Variants in CD164 observed in about 807,000 individuals in gnomAD.
CD164 encodes CD164 molecule.
Under a neutral mutation model 24.6 loss-of-function variants are expected in CD164, and 11 were observed. The ratio of observed to expected loss-of-function variants is 0.45; its 90% CI spans 0.28 to 0.74. The LOEUF is 0.74. Among genes scored for constraint, CD164 ranks in the 30% least tolerant of loss-of-function variants. The pLI is 0.13. For synonymous variants in CD164, 126 were observed against 100.3 expected, an observed-to-expected ratio of 1.26 and a Z score of -1.53; for missense variants, 295 against 243.7, an observed-to-expected ratio of 1.21 and a Z score of -1.40.
rs1443598254 is a variant in CD164 at position 109,379,026 on chromosome 6, G to C, written c.259+553C>G. 2.0e-5 allele frequency among the ~76,000 whole-genome samples: 3 copies of C among 152,076 alleles called. No individual in the cohort carries two copies. In the East Asian group the frequency reaches 5.8e-4, roughly 29 times the overall value. On this transcript the variant is annotated intron_variant, in intron 2 of 5. Coordinates refer to ENST00000310786, the MANE Select transcript of CD164 (RefSeq NM_006016.6). The stretch of plus-strand genomic sequence containing the variant: ...TTGAATTTCAATGTACGTCCCTTTA[G>C]CGCTCTACCTCTTGTATTAACAAAA...
Position 109,379,675 on chromosome 6 carries a change from G to C in CD164, c.176-13C>G. The C allele has an allele frequency of 6.3e-7, 1 of 1,592,240 alleles. No homozygotes were observed. The highest frequency in any genetic ancestry group is 1.3e-5 in the African/African-American group (1 of 74,226). ...CCTTCACAGGTTTCTGGGGAGTTGG[G>C]GGGAGAGATGCATGAAATCAATGAT... On this transcript the variant is annotated splice_polypyrimidine_tract_variant and intron_variant, in intron 1 of 5. Coordinates refer to ENST00000310786, the MANE Select transcript of CD164 (RefSeq NM_006016.6).
intron 3 of CD164, among the ~76,000 whole-genome samples, chr6:109,376,916 G>A (rs1304794409): frequency 1.3e-5 from 2 of 152,188 alleles, no homozygotes; most frequent in African/African-American, 4.8e-5. Context: ...TGGGAAGACT[G>A]CTTAAGCCCA....
Position 109,368,871 on chromosome 6 carries a change from GTTC to G in CD164, c.571_573del (p.Glu191del), listed in dbSNP as rs1411756932. 7 of 1,612,698 alleles carry G rather than the reference GTTC, an allele frequency of 4.3e-6. No individual in the cohort carries two copies. The highest frequency in any genetic ancestry group is 1.1e-5 in the South Asian group (1 of 90,958). On this transcript the variant is annotated inframe_deletion, in exon 6 of 6. Transcript: ENST00000310786. ...TCTGTTTACAGAGTGTGGTAATTTC[GTTC>G]TTTAGATTTGCAGAATTTATAAAGA...
At chr6:109,381,713 C>CT (rs1771760105) in intron 1 of CD164, 3 of 611,996 alleles carry the variant, frequency 4.9e-6, no homozygotes, top group Non-Finnish European at 2.9e-6. Context: ...GCATTACCGT[C>CT]TTTAAGTTTC....
Position 109,368,073 on chromosome 6 carries a change from T to A in CD164, c.*778A>T. On this transcript the variant is annotated 3_prime_UTR_variant, in exon 6 of 6. Transcript: ENST00000310786. The stretch of plus-strand genomic sequence containing the variant: ...TTTCAATAAAATATTAACAGTATGA[T>A]ATCTAAAACAGGTTTACTACTGCTC... 2.5e-6 allele frequency: 1 copy of A among 395,230 alleles called. No homozygotes were observed. Among genetic ancestry groups the A allele is most frequent in the Non-Finnish European group, 4.5e-6 (1 of 221,770 alleles). 24.5% of individuals were successfully genotyped at this position (395,230 alleles called of 1,614,324 possible).
rs1386636531 is a variant in CD164 at position 109,382,399 on chromosome 6, T to C, written c.-21A>G. On this transcript the variant is annotated 5_prime_UTR_variant, in exon 1 of 6. Transcript: ENST00000310786. Reference sequence around the variant, plus strand: ...GACATCGTGTCCTCAGCGCTGGCGTTCGGGAGAAAGCTAAGGCTCGCAACG... The same window carrying C: ...GACATCGTGTCCTCAGCGCTGGCGTCCGGGAGAAAGCTAAGGCTCGCAACG... 12 of 1,504,422 alleles carry C rather than the reference T, an allele frequency of 8.0e-6. No homozygotes were observed. In the African/African-American group the frequency reaches 9.8e-5, roughly 12 times the overall value. 93.2% of individuals were successfully genotyped at this position (1,504,422 alleles called of 1,614,324 possible). A position where few individuals can be genotyped will look rare whatever the true frequency, so the allele number is the denominator to read the frequency against.
At chr6:109,374,611 A>G (rs193183855) in intron 4 of CD164, among the ~76,000 whole-genome samples, 88 of 152,316 alleles carry the variant, frequency 5.8e-4, no homozygotes, top group African/African-American at 2.0e-3. Flanking sequence ...TATGACCTAT[A>G]AACTTTAAAA....
intron 4 of CD164, chr6:109,372,181 A>G (rs932154654): frequency 6.6e-6 from 1 of 152,188 alleles, no homozygotes; most frequent in Non-Finnish European, 1.5e-5. Context: ...AAAAACCTCA[A>G]TAGGAATCAG....
In CD164 at chr6:109,379,429, C is replaced by A. The variant is rs77504265; in HGVS notation, c.259+150G>T. On this transcript the variant is annotated intron_variant, in intron 2 of 5. Coordinates refer to ENST00000310786, the MANE Select transcript of CD164 (RefSeq NM_006016.6). ...CAAAAAGAGATTTTCAGGGGGAGTG[C>A]GAGGCAACTGGCACTTTAAAGGAGT... is the stretch of plus-strand genomic sequence containing the variant. 0.017 allele frequency: 8,740 copies of A among 524,038 alleles called. 310 individuals carry two copies. Among genetic ancestry groups the A allele is most frequent in the African/African-American group, 0.094 (4,789 of 50,712 alleles). 32.5% of individuals were successfully genotyped at this position (524,038 alleles called of 1,614,324 possible). A position where few individuals can be genotyped will look rare whatever the true frequency, so the allele number is the denominator to read the frequency against.
chr6:109,376,422 C>A (rs1414174479), intron 3 of CD164, among the ~76,000 whole-genome samples: 1 of 152,226 alleles, frequency 6.6e-6, no homozygotes, highest in African/African-American at 2.4e-5. Context: ...CTCTTTCATT[C>A]CCTTCTTCAT....
rs573021457 is a variant in CD164, at chr6:109,381,018, C to T, written c.175+1186G>A. Among the ~76,000 whole-genome samples the T allele has an allele frequency of 1.6e-4, 25 of 152,268 alleles. No individual in the cohort carries two copies. The East Asian group carries it at 4.4e-3, about 27-fold the overall frequency. Reference sequence around the variant, plus strand: ...ATTAAACTTTTATAAAATACTAAAACTAGAGGAGAATTTGTAGAATATGAA... The same window carrying T: ...ATTAAACTTTTATAAAATACTAAAATTAGAGGAGAATTTGTAGAATATGAA... On this transcript the variant is annotated intron_variant, in intron 1 of 5. Transcript: ENST00000310786.
intron 4 of CD164, among the ~76,000 whole-genome samples, chr6:109,373,063 A>C (rs1458524322): frequency 1.3e-5 from 2 of 152,194 alleles, no homozygotes; most frequent in Non-Finnish European, 2.9e-5. Context: ...AATAATAATA[A>C]TCATAAGTTA....
chr6:109,381,934 A>C, intron 1 of CD164: 1 of 395,278 alleles, frequency 2.5e-6, no homozygotes, highest in Non-Finnish European at 4.5e-6. Flanking sequence ...GCACTTTTAA[A>C]AGGCACCTCG....
At chr6:109,375,626 A>AAAAAAAAAAAAAAAAAAG (rs1554215557) in intron 4 of CD164, among the ~76,000 whole-genome samples, 5 of 147,772 alleles carry the variant, frequency 3.4e-5, no homozygotes, top group African/African-American at 7.4e-5. Flanking sequence ...CCAAAAAAAA[A>AAAAAAAAAAAAAAAAAAG]AAAAGAAAAG....
intron 1 of CD164, among the ~76,000 whole-genome samples, chr6:109,380,699 A>G (rs75318213): frequency 0.011 from 1,720 of 152,358 alleles, 27 homozygotes; most frequent in African/African-American, 0.038. Context: ...GCTACCTTTC[A>G]GACCACACTA....
At chr6:109,376,046 A>C in intron 4 of CD164, 28 bp downstream of exon 4, 2 of 1,535,466 alleles carry the variant, frequency 1.3e-6, no homozygotes, top group South Asian at 2.5e-5. Flanking sequence ...ACTGAAGGAA[A>C]AGGAAGAAAA....
At position 109,367,415 on chromosome 6, in the gene CD164, A is replaced by G. The variant is rs2356818; in HGVS notation, c.*1436T>C. On this transcript the variant is annotated 3_prime_UTR_variant, in exon 6 of 6. Coordinates refer to ENST00000310786, the MANE Select transcript of CD164 (RefSeq NM_006016.6). ...AGCCACTATTGGCTAAAGAAACTAA[A>G]TAAAAAACGTTAATGACCTAGAAAA... 0.019 allele frequency: 2,891 copies of G among 152,398 alleles called. 67 individuals are homozygous for G. Among genetic ancestry groups the G allele is most frequent in the East Asian group, 0.069 (358 of 5,184 alleles). The allele number at this position is 152,398 out of a possible 1,614,324, so 9.4% of individuals were successfully genotyped here.
intron 4 of CD164, among the ~76,000 whole-genome samples, chr6:109,373,607 T>C (rs1771222656): frequency 6.6e-6 from 1 of 152,186 alleles, no homozygotes; most frequent in African/African-American, 2.4e-5. Context: ...AACCCAGTTC[T>C]CAAGAAATGA....
chr6:109,377,375 A>G (rs1050137340), intron 3 of CD164, among the ~76,000 whole-genome samples: 7 of 152,178 alleles, frequency 4.6e-5, no homozygotes, highest in African/African-American at 1.7e-4. Context: ...TTACAATCTC[A>G]TTGGAAAAAT....
Sources: allele counts gnomAD v4.1 joint callset (sites outside exome capture counted in the v4.1 genomes callset), GRCh38; gene constraint gnomAD v4.1.1; transcripts MANE v1.5; gene names NCBI Gene and HGNC (gene_info 2026-07-23, HGNC 2026-07-21).